Variants in MAPRE3 observed in about 807,000 individuals in gnomAD.
The protein encoded by MAPRE3 is microtubule associated protein RP/EB family member 3, also known as microtubule-associated protein RP/EB family member 3.
A neutral mutation model predicts 30.5 loss-of-function variants in MAPRE3; 2 were observed. The ratio of observed to expected loss-of-function variants is 0.07; its 90% CI spans 0.03 to 0.21. MAPRE3 has a LOEUF of 0.21. Among genes scored for constraint, MAPRE3 ranks in the 10% least tolerant of loss-of-function variants. The pLI, the probability that MAPRE3 is intolerant of heterozygous loss-of-function variation, is 1.00. For synonymous variants in MAPRE3, 110 were observed against 127.7 expected (o/e 0.86, Z 0.93); for missense variants, 204 against 351.8 (o/e 0.58, Z 3.36).
chr2:26,996,853 C>T (rs1296926197), intron 1 of MAPRE3: 2 of 152,038 alleles, frequency 1.3e-5, no homozygotes, highest in Non-Finnish European at 2.9e-5. Flanking sequence ...AACCCTTCAC[C>T]TGAGGAACAG....
rs1295724262 is a variant in MAPRE3 at position 26,985,271 on chromosome 2, C to T, written c.-8+14469C>T. 1.3e-5 allele frequency among the ~76,000 whole-genome samples: 2 copies of T among 152,228 alleles called. No individual in the cohort carries two copies. The highest frequency in any genetic ancestry group is 2.1e-4 in the South Asian group (1 of 4,830). Reference sequence around the variant, plus strand: ...GATGTTGGCCTTTCCTCAAGTCAGGCAGAATCCTACCTGGGCCATCTTCCC... The same window carrying T: ...GATGTTGGCCTTTCCTCAAGTCAGGTAGAATCCTACCTGGGCCATCTTCCC... On this transcript the variant is annotated intron_variant, in intron 1 of 6. Transcript: ENST00000233121. This position sits in a 1 kb window ranked among gnomAD's most constrained non-coding sequence, Gnocchi z 4.2.
At chr2:27,016,221 A>G (rs1396763615) in intron 1 of MAPRE3, among the ~76,000 whole-genome samples, 1 of 152,150 alleles carries the variant, frequency 6.6e-6, no homozygotes, top group African/African-American at 2.4e-5. Flanking sequence ...TGTGCCAAAG[A>G]TCATGGTAGA....
chr2:27,019,184 C>T (rs903620630), intron 1 of MAPRE3, among the ~76,000 whole-genome samples: 5 of 151,936 alleles, frequency 3.3e-5, no homozygotes, highest in South Asian at 2.1e-4. Flanking sequence ...CATGAGCCAC[C>T]GCACCCGCTC....
intron 1 of MAPRE3, among the ~76,000 whole-genome samples, chr2:26,972,981 A>G (rs1253970293): frequency 1.3e-5 from 2 of 152,220 alleles, no homozygotes; most frequent in African/African-American, 4.8e-5. Context: ...GATCAAGGAG[A>G]GGGACATGAT....
Position 27,018,984 on chromosome 2 carries a change from T to C in MAPRE3, c.-7-3228T>C, listed in dbSNP as rs993465899. On this transcript the variant is annotated intron_variant, in intron 1 of 6. Coordinates refer to ENST00000233121, the MANE Select transcript of MAPRE3 (RefSeq NM_012326.4). Reference sequence around the variant, plus strand: ...CAGGCTGGAGTACAGTGGCATGATCTTGGCTCACTGCAACACTCCACCTCT... The same window carrying C: ...CAGGCTGGAGTACAGTGGCATGATCCTGGCTCACTGCAACACTCCACCTCT... 4.6e-5 allele frequency among the ~76,000 whole-genome samples: 7 copies of C among 152,128 alleles called. No homozygotes were observed. The East Asian group carries it at 9.6e-4, about 21-fold the overall frequency.
chr2:27,023,183 G>C, intron 2 of MAPRE3, 149 bp from the exon 3 acceptor site: 1 of 727,186 alleles, frequency 1.4e-6, no homozygotes, highest in Non-Finnish European at 2.2e-6. Flanking sequence ...AAAGCTGGGG[G>C]GATTCTGGCC....
intron 1 of MAPRE3, among the ~76,000 whole-genome samples, chr2:26,994,293 A>T (rs1666408521): frequency 6.6e-6 from 1 of 152,254 alleles, no homozygotes; most frequent in South Asian, 2.1e-4. Context: ...TCCCTGTATC[A>T]TGGTGGCTTG....
chr2:27,026,078 C>T, intron 6 of MAPRE3, 46 bp downstream of exon 6: 1 of 1,608,928 alleles, frequency 6.2e-7, no homozygotes, highest in East Asian at 2.2e-5. Context: ...CTGGCCTGGC[C>T]CTAAGACCAG....
At chr2:27,012,444 C>T (rs965223322) in intron 1 of MAPRE3, 1 of 152,224 alleles carries the variant, frequency 6.6e-6, no homozygotes, top group Non-Finnish European at 1.5e-5. Flanking sequence ...CTGGAATCCT[C>T]ATCCTTCATT....
chr2:26,994,426 A>G (rs189324185), intron 1 of MAPRE3, among the ~76,000 whole-genome samples: 156 of 152,324 alleles, frequency 1.0e-3, no homozygotes, highest in Non-Finnish European at 1.9e-3. Flanking sequence ...TCCTCTCTCT[A>G]CCAGAGGAGA....
intron 1 of MAPRE3, among the ~76,000 whole-genome samples, chr2:27,004,431 G>A (rs976460114): frequency 1.3e-5 from 2 of 151,890 alleles, no homozygotes; most frequent in African/African-American, 4.8e-5. Flanking sequence ...CATTTTCTAG[G>A]CAAAAATATG....
At chr2:27,011,429 A>G (rs561356909) in intron 1 of MAPRE3, among the ~76,000 whole-genome samples, 146 of 152,282 alleles carry the variant, frequency 9.6e-4, no homozygotes, top group South Asian at 9.3e-3. Context: ...TACCTCTTCA[A>G]CCAAAGAAAA....
chr2:27,003,933 T>C (rs534803158), intron 1 of MAPRE3, among the ~76,000 whole-genome samples: 70 of 152,298 alleles, frequency 4.6e-4, no homozygotes, highest in African/African-American at 1.6e-3. Context: ...ATGCTCCACT[T>C]GAGTTAGCTT....
chr2:26,996,192 G>A (rs576396859), intron 1 of MAPRE3, among the ~76,000 whole-genome samples: 2 of 148,322 alleles, frequency 1.3e-5, no homozygotes, highest in South Asian at 4.3e-4. Flanking sequence ...TTACTCTGTT[G>A]CCCGGGCTGG....
At chr2:27,024,594 G>C (rs1409667760) in intron 4 of MAPRE3, among the ~76,000 whole-genome samples, 1 of 152,240 alleles carries the variant, frequency 6.6e-6, no homozygotes, top group African/African-American at 2.4e-5. Flanking sequence ...GCCTCAAGAT[G>C]ATGGGGCAGC....
intron 1 of MAPRE3, among the ~76,000 whole-genome samples, chr2:27,016,940 G>C (rs1667002444): frequency 6.6e-6 from 1 of 152,064 alleles, no homozygotes; most frequent in African/African-American, 2.4e-5. Flanking sequence ...AGCCAGCCCA[G>C]CTTTTAGAGG....
intron 1 of MAPRE3, among the ~76,000 whole-genome samples, chr2:27,005,949 G>A (rs1316245891): frequency 2.0e-5 from 3 of 152,180 alleles, no homozygotes; most frequent in African/African-American, 7.2e-5. Context: ...TTGGGAGGCC[G>A]AGGTGGGCGG....
intron 1 of MAPRE3, among the ~76,000 whole-genome samples, chr2:26,973,757 T>G (rs1665962687): frequency 6.6e-6 from 1 of 151,712 alleles, no homozygotes; most frequent in Admixed American, 6.6e-5. Flanking sequence ...GGGTTTCACC[T>G]TGTTAGCCAG....
At chr2:27,004,937 G>A (rs1248497733) in intron 1 of MAPRE3, among the ~76,000 whole-genome samples, 1 of 151,840 alleles carries the variant, frequency 6.6e-6, no homozygotes, top group East Asian at 1.9e-4. Flanking sequence ...AATATATATG[G>A]GTAATAAACA....
Sources: gnomAD v4.1 joint callset for allele counts (sites outside exome capture counted in the v4.1 genomes callset) on GRCh38, gnomAD v4.1.1 for gene constraint, Gnocchi (gnomAD v3.1) non-coding constraint, MANE v1.5 for transcripts, NCBI Gene and HGNC (gene_info 2026-07-23, HGNC 2026-07-21) for gene names.